The following GCKR variants were observed in gnomAD, a reference collection of about 807,000 sequenced individuals.
The protein encoded by GCKR is glucokinase regulatory protein.
GCKR carries 73 observed loss-of-function variants against 82.9 expected under a neutral mutation model. The ratio of observed to expected loss-of-function variants is 0.88; its 90% CI spans 0.73 to 1.07. The LOEUF (loss-of-function observed/expected upper bound fraction) is 1.07. GCKR is among the 50% of genes least tolerant of loss of function. The probability of loss-of-function intolerance (pLI) is 0.00; values close to 1 mark genes in which losing one functional copy is unlikely to be tolerated. For missense variants in GCKR, 784 were observed against 782.1 expected, an observed-to-expected ratio of 1.00 and a Z score of -0.03; for synonymous variants, 294 against 291.8, an observed-to-expected ratio of 1.01 and a Z score of -0.08.
chr2:27,497,351 T>TGATGCTGAGATCTTCCAGGAGGA lies in GCKR; in HGVS notation c.170_192dup (p.Gly65MetfsTer24), dbSNP rs763400055. 6.2e-7 allele frequency: 1 copy of TGATGCTGAGATCTTCCAGGAGGA among 1,614,224 alleles called. No homozygotes were observed. Among genetic ancestry groups the TGATGCTGAGATCTTCCAGGAGGA allele is most frequent in the East Asian group, 2.2e-5 (1 of 44,892 alleles). ...ACATTGTTCGACTGCTAGGGCAATG[T>TGATGCTGAGATCTTCCAGGAGGA]GATGCTGAGATCTTCCAGGAGGAGG... On this transcript the variant is annotated frameshift_variant, in exon 2 of 19. Transcript: ENST00000264717. LOFTEE classifies it high-confidence loss of function.
At position 27,522,441 on chromosome 2, in the gene GCKR, C is replaced by G; in HGVS notation, c.1573-19C>G. On this transcript the variant is annotated intron_variant, in intron 17 of 18. Transcript: ENST00000264717. ...CTCTGGCCTTTAGCCTGACACTGATCTTACCACTTCTTCCTTAGCGGTTCT... is the reference window on the plus strand; with the variant it reads ...CTCTGGCCTTTAGCCTGACACTGATGTTACCACTTCTTCCTTAGCGGTTCT... The G allele has an allele frequency of 6.2e-7, 1 of 1,613,626 alleles. No homozygotes were observed. The highest frequency in any genetic ancestry group is 1.1e-5 in the South Asian group (1 of 91,076).
At chr2:27,520,047 T>C (rs527689373) in intron 17 of GCKR, among the ~76,000 whole-genome samples, 3 of 152,018 alleles carry the variant, frequency 2.0e-5, no homozygotes, top group African/African-American at 7.2e-5. Context: ...GAATTTCAGA[T>C]AAATATGGAA....
rs8179220 is a variant in GCKR at position 27,508,094 on chromosome 2, AAAGG to A, written c.1338+21_1338+24del. 1.9e-3 allele frequency: 3,027 copies of A among 1,601,004 alleles called. 52 individuals carry two copies. The African/African-American group carries it at 0.037, about 20-fold the overall frequency. ...TTGCTGGTGAGAGTCCAGCCGTGACAAAGGGACCCAGGTGGCAGTTGCAGCCAGG... is the reference window on the plus strand; with the variant it reads ...TTGCTGGTGAGAGTCCAGCCGTGACAGACCCAGGTGGCAGTTGCAGCCAGG... On this transcript the variant is annotated intron_variant, in intron 15 of 18. Coordinates refer to ENST00000264717, the MANE Select transcript of GCKR (RefSeq NM_001486.4).
intron 9 of GCKR, among the ~76,000 whole-genome samples, chr2:27,505,054 A>C (rs1243171729): frequency 7.7e-6 from 1 of 129,934 alleles, no homozygotes; most frequent in Non-Finnish European, 1.6e-5. Context: ...TGAATTTGGG[A>C]GGTAGAGGTT....
chr2:27,513,961 C>T (rs1669946912), intron 16 of GCKR, among the ~76,000 whole-genome samples: 1 of 148,526 alleles, frequency 6.7e-6, no homozygotes, highest in Non-Finnish European at 1.5e-5. Context: ...CAATAGTTTG[C>T]CCTGTCAATC....
At chr2:27,501,026 G>C in intron 7 of GCKR, 109 bp from the exon 8 acceptor site, 1 of 842,496 alleles carries the variant, frequency 1.2e-6, no homozygotes, top group South Asian at 1.3e-5. Context: ...CTGTACCTGG[G>C]AATCTGCATT....
intron 16 of GCKR, among the ~76,000 whole-genome samples, chr2:27,515,745 G>GTATATATATATATATA (rs528066615): frequency 7.7e-6 from 1 of 129,446 alleles, no homozygotes; most frequent in African/African-American, 2.9e-5. Flanking sequence ...CCAATTGTTC[G>GTATATATATATATATA]TATATATATA....
chr2:27,515,690 T>TG (rs1669985130), intron 16 of GCKR, among the ~76,000 whole-genome samples: 2 of 151,172 alleles, frequency 1.3e-5, no homozygotes, highest in African/African-American at 4.9e-5. Flanking sequence ...TTCTTGTGTA[T>TG]GGGGTAAGGC....
Position 27,497,189 on chromosome 2 carries a change from A to G in GCKR, c.61-55A>G, listed in dbSNP as rs576025009. The G allele has an allele frequency of 8.7e-4, 1,393 of 1,602,336 alleles. 18 individuals are homozygous for G. The South Asian group carries it at 0.014, about 17-fold the overall frequency. ...CTGCCACTCCCACCTCCAGCTCAGC[A>G]GGCATGAATGAGGCTTTGGCTTCCT... On this transcript the variant is annotated intron_variant, in intron 1 of 18. Transcript: ENST00000264717.
At position 27,498,704 on chromosome 2, in the gene GCKR, A is replaced by G; in HGVS notation, c.355-20A>G. ...TTCTTCTCTGTCATTACCTCTTTAC[A>G]TCCTCTCCCTGCTTGACAGGTGTCC... is the stretch of plus-strand genomic sequence containing the variant. On this transcript the variant is annotated intron_variant, in intron 4 of 18. Coordinates refer to ENST00000264717, the MANE Select transcript of GCKR (RefSeq NM_001486.4). 6.7e-7 allele frequency: 1 copy of G among 1,494,830 alleles called. No individual in the cohort carries two copies. Among genetic ancestry groups the G allele is most frequent in the Non-Finnish European group, 9.3e-7 (1 of 1,071,212 alleles). The allele number at this position is 1,494,830 out of a possible 1,614,324, so 92.6% of individuals were successfully genotyped here. A position where few individuals can be genotyped will look rare whatever the true frequency, so the allele number is the denominator to read the frequency against.
chr2:27,498,877 G>A, intron 5 of GCKR, 80 bp downstream of exon 5: 2 of 878,498 alleles, frequency 2.3e-6, no homozygotes, highest in Non-Finnish European at 3.9e-6. Context: ...CCTTTAGACA[G>A]AGATTGTGTC....
chr2:27,523,445 T>C lies in GCKR; in HGVS notation c.*6T>C. 1 of 1,603,510 alleles carries C rather than the reference T, an allele frequency of 6.2e-7. No individual in the cohort carries two copies. The highest frequency in any genetic ancestry group is 8.5e-7 in the Non-Finnish European group (1 of 1,179,800). On this transcript the variant is annotated 3_prime_UTR_variant, in exon 19 of 19. Transcript: ENST00000264717. ...TAGAGCCTGACGTTCAGTGAACCCA[T>C]GTTTCTGGGTGGGTGAAAGGGGCCC...
chr2:27,497,475 G>C (rs1321403159), intron 2 of GCKR, 76 bp downstream of exon 2: 1 of 1,585,538 alleles, frequency 6.3e-7, no homozygotes, highest in Admixed American at 1.7e-5. Flanking sequence ...CCCTCACCAT[G>C]GCTCCTAATA....
chr2:27,511,570 G>A (rs1470002419), intron 16 of GCKR, among the ~76,000 whole-genome samples: 3 of 151,788 alleles, frequency 2.0e-5, no homozygotes, highest in African/African-American at 7.3e-5. Context: ...ATGGTAGTGG[G>A]TGCCTGTAAT....
chr2:27,509,550 C>T, intron 16 of GCKR: 1 of 446,822 alleles, frequency 2.2e-6, no homozygotes, highest in Non-Finnish European at 4.5e-6. Flanking sequence ...CCACATTGCC[C>T]AGGCTGTTTG....
At chr2:27,510,850 G>C (rs1669865769) in intron 16 of GCKR, among the ~76,000 whole-genome samples, 2 of 151,644 alleles carry the variant, frequency 1.3e-5, no homozygotes, top group Non-Finnish European at 2.9e-5. Flanking sequence ...TTGTAAGAAG[G>C]GGTGTGTATA....
At chr2:27,498,057 C>A (rs1669458776) in intron 3 of GCKR, among the ~76,000 whole-genome samples, 198 bp from the exon 4 acceptor site, 1 of 152,174 alleles carries the variant, frequency 6.6e-6, no homozygotes, top group African/African-American at 2.4e-5. Flanking sequence ...AGTAGTGGAG[C>A]AAGACATGGG....
chr2:27,509,585 A>G (rs749214192), intron 16 of GCKR: 1 of 428,956 alleles, frequency 2.3e-6, no homozygotes, highest in South Asian at 1.6e-5. Context: ...CAAGTGATCC[A>G]CCCGCCTTAG....
rs868676055 is a variant in GCKR, at chr2:27,506,824, G to A, written c.1005G>A (p.Trp335Ter). 1 of 1,613,506 alleles carries A rather than the reference G, an allele frequency of 6.2e-7. No individual in the cohort carries two copies. Among genetic ancestry groups the A allele is most frequent in the Non-Finnish European group, 8.5e-7 (1 of 1,179,424 alleles). ...EKKGHVYLVG[W>*]QTLGIIAIMD... ...AAGGCCACGTGTACCTGGTTGGCTGGCAGACCCTGGGCATCATTGCCATCA... is the reference window on the plus strand; with the variant it reads ...AAGGCCACGTGTACCTGGTTGGCTGACAGACCCTGGGCATCATTGCCATCA... Residue 335 changes from tryptophan (W) to a stop codon, truncating the protein, a stop_gained, in exon 12 of 19, where the codon TGG becomes TGA. Coordinates refer to ENST00000264717, the MANE Select transcript of GCKR (RefSeq NM_001486.4). LOFTEE classifies it high-confidence loss of function.
Sources: gnomAD v4.1 joint callset for allele counts (sites outside exome capture counted in the v4.1 genomes callset) on GRCh38, gnomAD v4.1.1 for gene constraint, MANE v1.5 for transcripts, NCBI Gene and HGNC (gene_info 2026-07-23, HGNC 2026-07-21) for gene names.